Variants in SHROOM2 observed in about 807,000 individuals in gnomAD.
SHROOM2 encodes the protein protein Shroom2.
A neutral mutation model predicts 75.9 loss-of-function variants in SHROOM2; 33 were observed. That is an observed-to-expected ratio of 0.43 (90% CI 0.33 to 0.58). The LOEUF (loss-of-function observed/expected upper bound fraction) is 0.58, where lower values mean the gene tolerates loss of function less well. Ranked by LOEUF, SHROOM2 falls within the 20% of genes least tolerant of loss-of-function variation. The probability of loss-of-function intolerance (pLI) is 0.04; values close to 1 mark genes in which losing one functional copy is unlikely to be tolerated. For synonymous variants in SHROOM2, 655 were observed against 663.6 expected (o/e 0.99, Z 0.20); for missense variants, 1,434 against 1,461.2 (o/e 0.98, Z 0.30).
chrX:9,900,486 C>G (rs1361394082), intron 5 of SHROOM2, among the ~76,000 whole-genome samples: 1 of 112,238 alleles, frequency 8.9e-6, no homozygotes, highest in Non-Finnish European at 1.9e-5. Context: ...AAGTGCTGCT[C>G]TGATAATCGA....
At position 9,792,158 on chromosome X, in the gene SHROOM2, A is replaced by C. The variant is rs1436769457; in HGVS notation, c.165+5448A>C. Among the ~76,000 whole-genome samples the C allele has an allele frequency of 3.1e-4, 2 of 6,514 alleles. 1 individual carries two copies. Among genetic ancestry groups the C allele is most frequent in the African/African-American group, 9.8e-4 (2 of 2,051 alleles). The allele number at this position is 6,514 out of a possible 115,157, so 5.7% of individuals were successfully genotyped here. ...ATAGAATAGAATAGAATAGAATAGA[A>C]TAATCACCAGTATCTGATACAGGGA... On this transcript the variant is annotated intron_variant, in intron 1 of 9. Transcript: ENST00000380913.
intron 5 of SHROOM2, among the ~76,000 whole-genome samples, chrX:9,920,625 C>G (rs35509861): frequency 0.014 from 1,518 of 111,889 alleles, 8 homozygotes; most frequent in Non-Finnish European, 0.021. Context: ...TTTTTTTTCT[C>G]TTTTAACCTA....
rs186299355 is a variant in SHROOM2, at chrX:9,876,708, A to G, written c.317+2905A>G. 7.1e-5 allele frequency among the ~76,000 whole-genome samples: 8 copies of G among 112,876 alleles called. No individual in the cohort carries two copies. The East Asian group carries it at 2.2e-3, about 31-fold the overall frequency. ...GATCAAATGGTAAACTAGCTTGCCC[A>G]AGCCTTGTTTGACTTGTTGCAATTG... On this transcript the variant is annotated intron_variant, in intron 2 of 9. Transcript: ENST00000380913.
intron 1 of SHROOM2, among the ~76,000 whole-genome samples, chrX:9,847,741 T>TA: frequency 1.8e-5 from 2 of 112,052 alleles, no homozygotes; most frequent in Middle Eastern, 9.2e-3. Context: ...TGCATTCTGG[T>TA]AATGCCTAAA....
intron 1 of SHROOM2, among the ~76,000 whole-genome samples, chrX:9,826,880 C>T (rs1601930336): frequency 1.8e-5 from 2 of 112,898 alleles, no homozygotes; most frequent in Admixed American, 9.4e-5. Flanking sequence ...AAGGCTCAAA[C>T]GCTTTTGAAA....
chrX:9,786,451 C>T lies in SHROOM2; in HGVS notation c.-95C>T. The T allele has an allele frequency of 4.3e-6, 3 of 696,463 alleles. No homozygotes were observed. The highest frequency in any genetic ancestry group is 5.3e-6 in the Non-Finnish European group (3 of 564,411). The allele number at this position is 696,463 out of a possible 1,213,427, so 57.4% of individuals were successfully genotyped here. A position where few individuals can be genotyped will look rare whatever the true frequency, so the allele number is the denominator to read the frequency against. Reference sequence around the variant, plus strand: ...GGCACTTTCTTTCCAAGTTACGGCGCAAGTTCTGCGGCGCTCGGAGCCTCC... The same window carrying T: ...GGCACTTTCTTTCCAAGTTACGGCGTAAGTTCTGCGGCGCTCGGAGCCTCC... On this transcript the variant is annotated 5_prime_UTR_variant, in exon 1 of 10. Transcript: ENST00000380913.
At chrX:9,913,196 C>T (rs1315338252) in intron 5 of SHROOM2, 2 of 112,377 alleles carry the variant, frequency 1.8e-5, no homozygotes, top group Non-Finnish European at 3.8e-5. Flanking sequence ...TCTCACTACA[C>T]AGGCATTGAA....
At chrX:9,832,550 G>A (rs2083921887) in intron 1 of SHROOM2, among the ~76,000 whole-genome samples, 1 of 111,843 alleles carries the variant, frequency 8.9e-6, no homozygotes, top group African/African-American at 3.2e-5. Flanking sequence ...TTAGGAAACC[G>A]TTTACCCAGT....
chrX:9,917,687 AT>A (rs1284158678), intron 5 of SHROOM2, among the ~76,000 whole-genome samples: 2 of 109,791 alleles, frequency 1.8e-5, no homozygotes, highest in East Asian at 2.8e-4. Flanking sequence ...CGCCCAGCTA[AT>A]TTTTTTTTGT....
At chrX:9,856,421 C>G (rs772502427) in intron 1 of SHROOM2, among the ~76,000 whole-genome samples, 1 of 111,479 alleles carries the variant, frequency 9.0e-6, no homozygotes, top group African/African-American at 3.3e-5. Flanking sequence ...TAGATTATAC[C>G]CCTCAATCTA....
At chrX:9,888,769 A>G (rs1192857806) in intron 2 of SHROOM2, among the ~76,000 whole-genome samples, 1 of 111,965 alleles carries the variant, frequency 8.9e-6, no homozygotes, top group Non-Finnish European at 1.9e-5. Flanking sequence ...TTGTGAGAAC[A>G]AAATCTGTTG....
chrX:9,880,854 C>A (rs1013474851), intron 2 of SHROOM2, among the ~76,000 whole-genome samples: 1 of 112,121 alleles, frequency 8.9e-6, no homozygotes, highest in Admixed American at 9.5e-5. Context: ...CCTCCTGTCC[C>A]CAACTGCAAG....
chrX:9,812,464 C>A (rs1000948572), intron 1 of SHROOM2, among the ~76,000 whole-genome samples: 5 of 112,294 alleles, frequency 4.5e-5, no homozygotes, highest in African/African-American at 1.6e-4. Flanking sequence ...CTCTTTCTTG[C>A]TTGTAGGAGA....
chrX:9,927,411 G>A (rs982445528), intron 5 of SHROOM2, among the ~76,000 whole-genome samples: 6 of 103,313 alleles, frequency 5.8e-5, no homozygotes, highest in African/African-American at 1.1e-4. Flanking sequence ...GGACCCTGTG[G>A]TGTGTGTTCC....
At chrX:9,896,823 C>A in intron 4 of SHROOM2, 125 bp downstream of exon 4, 1 of 751,954 alleles carries the variant, frequency 1.3e-6, no homozygotes, top group Non-Finnish European at 1.9e-6. Context: ...TTTTCCAGAT[C>A]TCCTAGTGTC....
chrX:9,789,346 G>A (rs1386183539), intron 1 of SHROOM2, among the ~76,000 whole-genome samples: 1 of 111,114 alleles, frequency 9.0e-6, no homozygotes, highest in South Asian at 3.8e-4. Context: ...CAGAACCTCC[G>A]CTGACAGATG....
intron 5 of SHROOM2, among the ~76,000 whole-genome samples, chrX:9,910,931 C>T (rs2084420885): frequency 9.0e-6 from 1 of 110,795 alleles, no homozygotes; most frequent in Middle Eastern, 4.6e-3. Flanking sequence ...AGTCCTCCCG[C>T]CTCGGCCTCC....
chrX:9,843,920 A>G (rs1248833713), intron 1 of SHROOM2, among the ~76,000 whole-genome samples: 1 of 112,372 alleles, frequency 8.9e-6, no homozygotes, highest in African/African-American at 3.2e-5. Context: ...TACACACGAT[A>G]TGTTTTGTTT....
At chrX:9,881,131 A>G (rs923085862) in intron 2 of SHROOM2, among the ~76,000 whole-genome samples, 4 of 111,217 alleles carry the variant, frequency 3.6e-5, no homozygotes, top group African/African-American at 1.3e-4. Flanking sequence ...CGTCCAGACC[A>G]TGTTTTGGTA....
Sources: allele counts gnomAD v4.1 joint callset (sites outside exome capture counted in the v4.1 genomes callset), GRCh38; gene constraint gnomAD v4.1.1; transcripts MANE v1.5; gene names NCBI Gene and HGNC (gene_info 2026-07-23, HGNC 2026-07-21).